Variants in MARCHF5 observed in about 807,000 individuals in gnomAD.
MARCHF5 encodes membrane associated ring-CH-type finger 5, also known as E3 ubiquitin-protein ligase MARCHF5.
A neutral mutation model predicts 36.5 loss-of-function variants in MARCHF5; 5 were observed. The ratio of observed to expected loss-of-function variants is 0.14; its 90% CI spans 0.07 to 0.29. MARCHF5 has a LOEUF of 0.29. Ranked by LOEUF, MARCHF5 falls within the 10% of genes least tolerant of loss-of-function variation. The pLI is 1.00. For synonymous variants in MARCHF5, 103 were observed against 109.9 expected (o/e 0.94, Z 0.39); for missense variants, 179 against 336.3 (o/e 0.53, Z 3.66).
intron 1 of MARCHF5, among the ~76,000 whole-genome samples, chr10:92,297,236 G>A (rs963465939): frequency 2.0e-5 from 3 of 148,480 alleles, no homozygotes; most frequent in East Asian, 2.0e-4. Flanking sequence ...TCACAGTCAC[G>A]GCTCACTACA....
intron 1 of MARCHF5, among the ~76,000 whole-genome samples, chr10:92,307,175 CTGTGTGTG>C (rs376178460): frequency 4.1e-4 from 50 of 121,888 alleles, no homozygotes; most frequent in Non-Finnish European, 3.9e-4. Context: ...AAGAAAACAT[CTGTGTGTG>C]TGTGTGTGTG....
At chr10:92,333,963 G>A (rs922994189) in intron 2 of MARCHF5, among the ~76,000 whole-genome samples, 1 of 152,166 alleles carries the variant, frequency 6.6e-6, no homozygotes, top group African/African-American at 2.4e-5. Context: ...GCCGAGGCGG[G>A]TGGATCATTT....
intron 2 of MARCHF5, among the ~76,000 whole-genome samples, chr10:92,313,951 T>C (rs1357204803): frequency 6.6e-6 from 1 of 152,078 alleles, no homozygotes; most frequent in Non-Finnish European, 1.5e-5. Flanking sequence ...CCCAGCACTT[T>C]TGAGGCTCAG....
chr10:92,291,517 A>C lies in MARCHF5; in HGVS notation c.23A>C (p.Gln8Pro). 3 of 1,547,178 alleles carry C rather than the reference A, an allele frequency of 1.9e-6. No individual in the cohort carries two copies. In the South Asian group the frequency reaches 3.6e-5, roughly 18 times the overall value. The change falls in exon 1 of 6, where the codon CAG (glutamine) becomes CCG (proline). Residue 8 changes from glutamine (Q) to proline (P), a missense_variant. By Grantham distance (76) the Gln-to-Pro change is moderately conservative. Coordinates refer to ENST00000358935, the MANE Select transcript of MARCHF5 (RefSeq NM_017824.5). MPDQALQQMLDRSCWVCF... is the reference protein window; with the variant it reads MPDQALQPMLDRSCWVCF... ...AAGATGCCGGACCAAGCCCTACAGC[A>C]GATGCTGGACAGGTACGGGCAGCTG...
intron 3 of MARCHF5, among the ~76,000 whole-genome samples, chr10:92,342,660 A>G (rs1185654038): frequency 6.6e-6 from 1 of 152,152 alleles, no homozygotes; most frequent in Non-Finnish European, 1.5e-5. Flanking sequence ...AATCCTCTTA[A>G]AATAGTACCT....
intron 2 of MARCHF5, among the ~76,000 whole-genome samples, chr10:92,313,622 C>T (rs997952441): frequency 3.3e-5 from 5 of 151,628 alleles, no homozygotes; most frequent in Non-Finnish European, 7.4e-5. Context: ...AAAATTGTGG[C>T]GGGTCACAGT....
In MARCHF5 at chr10:92,318,255, C is replaced by T. The variant is rs374422676; in HGVS notation, c.238+6918C>T. Among the ~76,000 whole-genome samples the T allele has an allele frequency of 2.0e-5, 3 of 148,920 alleles. No individual in the cohort carries two copies. In the East Asian group the frequency reaches 6.0e-4, roughly 30 times the overall value. ...CAGCCTCGGCAACATAGCAAAACTC[C>T]ATCTCTACTAAAAATACAAAAAATT... On this transcript the variant is annotated intron_variant, in intron 2 of 5. Coordinates refer to ENST00000358935, the MANE Select transcript of MARCHF5 (RefSeq NM_017824.5).
chr10:92,293,102 C>CT (rs1564940408), intron 1 of MARCHF5, among the ~76,000 whole-genome samples: 1 of 151,750 alleles, frequency 6.6e-6, no homozygotes, highest in Admixed American at 6.6e-5. Context: ...TTTTTTTCTT[C>CT]TTTTTTTGAG....
intron 1 of MARCHF5, among the ~76,000 whole-genome samples, chr10:92,293,614 A>C (rs1842917159): frequency 6.6e-6 from 1 of 151,774 alleles, no homozygotes; most frequent in East Asian, 1.9e-4. Flanking sequence ...CTACTAAAAA[A>C]AAAAAAAAAA....
chr10:92,315,005 A>G (rs1311803411), intron 2 of MARCHF5, among the ~76,000 whole-genome samples: 1 of 152,372 alleles, frequency 6.6e-6, no homozygotes, highest in East Asian at 1.9e-4. Flanking sequence ...AAATGAAGCC[A>G]TGTGTGAATT....
intron 2 of MARCHF5, among the ~76,000 whole-genome samples, chr10:92,339,112 G>A (rs1232183992): frequency 2.6e-5 from 4 of 151,810 alleles, no homozygotes; most frequent in Admixed American, 2.6e-4. Flanking sequence ...GCTCATGCCT[G>A]TAATCCCAGC....
intron 1 of MARCHF5, among the ~76,000 whole-genome samples, chr10:92,305,500 A>C (rs1843064983): frequency 6.6e-6 from 1 of 152,176 alleles, no homozygotes; most frequent in African/African-American, 2.4e-5. Context: ...GATCATGATC[A>C]CCTGATGGGC....
chr10:92,350,747 C>T (rs778570656), intron 5 of MARCHF5, among the ~76,000 whole-genome samples: 4 of 152,176 alleles, frequency 2.6e-5, no homozygotes, highest in South Asian at 2.1e-4. Context: ...GAGTTGGTCA[C>T]GATCCCTTTG....
rs541398300 is a variant in MARCHF5, at chr10:92,319,904, G to A, written c.238+8567G>A. Among the ~76,000 whole-genome samples, 3 of 149,318 alleles carry A rather than the reference G, an allele frequency of 2.0e-5. No individual in the cohort carries two copies. In the South Asian group the frequency reaches 6.3e-4, roughly 32 times the overall value. On this transcript the variant is annotated intron_variant, in intron 2 of 5. Transcript: ENST00000358935. ...TCTGACCTCATGATCTGCCCGTCTTGGCCTCCCAAAGTGCTGGGATTACAG... is the reference window on the plus strand; with the variant it reads ...TCTGACCTCATGATCTGCCCGTCTTAGCCTCCCAAAGTGCTGGGATTACAG...
chr10:92,298,073 C>G (rs1208156325), intron 1 of MARCHF5, among the ~76,000 whole-genome samples: 5 of 152,156 alleles, frequency 3.3e-5, no homozygotes, highest in African/African-American at 1.2e-4. Context: ...TGGCACATAC[C>G]TGTAATCTCA....
chr10:92,305,402 G>GT (rs1236090041), intron 1 of MARCHF5, among the ~76,000 whole-genome samples: 1 of 143,358 alleles, frequency 7.0e-6, no homozygotes, highest in Non-Finnish European at 1.5e-5. Context: ...GCGAGACTCC[G>GT]TCTCCAAAAA....
chr10:92,298,539 C>T lies in MARCHF5; in HGVS notation c.35+7010C>T, dbSNP rs78165682. Among the ~76,000 whole-genome samples, 558 of 152,286 alleles carry T rather than the reference C, an allele frequency of 3.7e-3. 4 individuals carry two copies. The highest frequency in any genetic ancestry group is 0.013 in the African/African-American group (524 of 41,580). On this transcript the variant is annotated intron_variant, in intron 1 of 5. Transcript: ENST00000358935. ...ATTTTTGGTCTTTGATATTACCAGT[C>T]TTCTTGTCCACCAGCTATAAAACAT...
chr10:92,323,708 T>A (rs1843319004), intron 2 of MARCHF5, among the ~76,000 whole-genome samples: 1 of 152,232 alleles, frequency 6.6e-6, no homozygotes, highest in Non-Finnish European at 1.5e-5. Flanking sequence ...ATGCATTTAA[T>A]TTCCTCTGTG....
Position 92,352,892 on chromosome 10 carries a change from G to A in MARCHF5, c.*1685G>A, listed in dbSNP as rs375189369. ...ATTTTAAAAACTTAGATTATAGGCT[G>A]TAATTATAAAATATATTGGCTTTTG... On this transcript the variant is annotated 3_prime_UTR_variant, in exon 6 of 6. Coordinates refer to ENST00000358935, the MANE Select transcript of MARCHF5 (RefSeq NM_017824.5). 8.5e-5 allele frequency: 13 copies of A among 152,582 alleles called. No individual in the cohort carries two copies. The highest frequency in any genetic ancestry group is 2.9e-4 in the African/African-American group (12 of 41,426). The allele number at this position is 152,582 out of a possible 1,614,324, so 9.5% of individuals were successfully genotyped here.
Sources: gnomAD v4.1 joint callset for allele counts (sites outside exome capture counted in the v4.1 genomes callset) on GRCh38, gnomAD v4.1.1 for gene constraint, MANE v1.5 for transcripts, NCBI Gene and HGNC (gene_info 2026-07-23, HGNC 2026-07-21) for gene names.